The following DPYD variants were observed in gnomAD, a reference collection of about 807,000 sequenced individuals.
DPYD encodes the protein dihydropyrimidine dehydrogenase, also known as dihydropyrimidine dehydrogenase [NADP(+)].
Under a neutral mutation model 116.2 loss-of-function variants are expected in DPYD, and 109 were observed. That is an observed-to-expected ratio of 0.94 (90% CI 0.80 to 1.10). The LOEUF (loss-of-function observed/expected upper bound fraction) is 1.10, where lower values mean the gene tolerates loss of function less well. DPYD is among the 50% of genes least tolerant of loss of function. DPYD has a pLI of 0.00. For synonymous variants in DPYD, 440 were observed against 432.0 expected, an observed-to-expected ratio of 1.02 and a Z score of -0.23; for missense variants, 1,302 against 1,254.5, an observed-to-expected ratio of 1.04 and a Z score of -0.57.
At chr1:97,822,213 C>G (rs1668975649) in intron 3 of DPYD, among the ~76,000 whole-genome samples, 1 of 149,578 alleles carries the variant, frequency 6.7e-6, no homozygotes. Flanking sequence ...ATTCTACAAG[C>G]AATTTTGTTT....
chr1:97,810,683 C>A (rs755568957), intron 3 of DPYD, among the ~76,000 whole-genome samples: 7 of 152,118 alleles, frequency 4.6e-5, no homozygotes, highest in African/African-American at 1.7e-4. Flanking sequence ...GTATGACAGG[C>A]TCCCATGCAG....
chr1:97,141,209 G>A (rs976983237), intron 20 of DPYD, among the ~76,000 whole-genome samples: 2 of 152,142 alleles, frequency 1.3e-5, no homozygotes, highest in South Asian at 2.1e-4. Context: ...ATGCCAGACC[G>A]AACTGGGAAG....
Position 97,197,151 on chromosome 1 carries a change from T to TA in DPYD, c.2443-3904dup, listed in dbSNP as rs1230196494. Among the ~76,000 whole-genome samples the TA allele has an allele frequency of 1.1e-4, 17 of 152,266 alleles. No individual in the cohort carries two copies. In the South Asian group the frequency reaches 3.3e-3, roughly 30 times the overall value. ...TCTAGGAAGCCCATTTACATCAGAT[T>TA]AAAAAAATCTGTTTCTCAGGAGGAA... On this transcript the variant is annotated intron_variant, in intron 19 of 22. Coordinates refer to ENST00000370192, the MANE Select transcript of DPYD (RefSeq NM_000110.4).
intron 19 of DPYD, among the ~76,000 whole-genome samples, chr1:97,214,904 C>A (rs114215089): frequency 0.011 from 1,712 of 152,302 alleles, 35 homozygotes; most frequent in African/African-American, 0.039. Flanking sequence ...TATCTCCCAA[C>A]AAAACATTAA....
At chr1:97,404,477 T>C (rs1673541668) in intron 14 of DPYD, among the ~76,000 whole-genome samples, 1 of 152,082 alleles carries the variant, frequency 6.6e-6, no homozygotes, top group Non-Finnish European at 1.5e-5. Flanking sequence ...TGTTATTAGA[T>C]GGATACACGT....
rs574227645 is a variant in DPYD at position 97,502,386 on chromosome 1, T to C, written c.1740+13340A>G. Among the ~76,000 whole-genome samples, 444 of 152,152 alleles carry C rather than the reference T, an allele frequency of 2.9e-3. 4 individuals carry two copies. Among genetic ancestry groups the C allele is most frequent in the African/African-American group, 0.01 (430 of 41,544 alleles). ...GAACAGTTATTGAAAGGCCACAGGTTGGAGGAATCTAGAGAAGTCCATTGT... is the reference window on the plus strand; with the variant it reads ...GAACAGTTATTGAAAGGCCACAGGTCGGAGGAATCTAGAGAAGTCCATTGT... On this transcript the variant is annotated intron_variant, in intron 13 of 22. Coordinates refer to ENST00000370192, the MANE Select transcript of DPYD (RefSeq NM_000110.4).
intron 20 of DPYD, among the ~76,000 whole-genome samples, chr1:97,188,676 G>A (rs925329194): frequency 6.6e-6 from 1 of 152,158 alleles, no homozygotes; most frequent in Non-Finnish European, 1.5e-5. Flanking sequence ...ACTCACAAAA[G>A]AAGTGACATT....
At chr1:97,582,990 A>T (rs935733299) in intron 10 of DPYD, among the ~76,000 whole-genome samples, 3 of 152,104 alleles carry the variant, frequency 2.0e-5, no homozygotes, top group Non-Finnish European at 4.4e-5. Context: ...GTTTTTTGAG[A>T]TGGAGTCTGA....
chr1:97,535,568 T>C (rs1649932782), intron 12 of DPYD, among the ~76,000 whole-genome samples: 1 of 152,210 alleles, frequency 6.6e-6, no homozygotes, highest in East Asian at 1.9e-4. Flanking sequence ...AATCTATTGC[T>C]ATATGGGTAA....
At chr1:97,819,739 T>C (rs1668822475) in intron 3 of DPYD, among the ~76,000 whole-genome samples, 1 of 152,024 alleles carries the variant, frequency 6.6e-6, no homozygotes, top group African/African-American at 2.4e-5. Flanking sequence ...TCTTCCATTT[T>C]TAACTATTTT....
intron 20 of DPYD, among the ~76,000 whole-genome samples, chr1:97,139,946 G>A (rs1411896475): frequency 4.6e-5 from 7 of 152,050 alleles, no homozygotes; most frequent in South Asian, 2.1e-4. Context: ...TTCTGTTTCC[G>A]CTACCTCAAG....
At position 97,577,581 on chromosome 1, in the gene DPYD, C is replaced by T. The variant is rs185140653; in HGVS notation, c.1129-3611G>A. ...CACTCCTAACCTCCGTGTGTGTGGC[C>T]TCTGTGCATTATGTGTACCCCTTCA... On this transcript the variant is annotated intron_variant, in intron 10 of 22. Coordinates refer to ENST00000370192, the MANE Select transcript of DPYD (RefSeq NM_000110.4). Among the ~76,000 whole-genome samples, 389 of 152,198 alleles carry T rather than the reference C, an allele frequency of 2.6e-3. 8 individuals are homozygous for T. Among genetic ancestry groups the T allele is most frequent in the Admixed American group, 0.022 (336 of 15,268 alleles).
intron 19 of DPYD, among the ~76,000 whole-genome samples, chr1:97,218,564 C>T (rs1660570056): frequency 6.7e-6 from 1 of 150,332 alleles, no homozygotes; most frequent in African/African-American, 2.5e-5. Flanking sequence ...TCTGCCTCAG[C>T]CTTTAGACAT....
At chr1:97,493,232 G>A (rs1027429808) in intron 13 of DPYD, among the ~76,000 whole-genome samples, 5 of 152,158 alleles carry the variant, frequency 3.3e-5, no homozygotes, top group African/African-American at 1.2e-4. Flanking sequence ...TCTTATTTCA[G>A]TGCAACCTAT....
intron 13 of DPYD, among the ~76,000 whole-genome samples, chr1:97,468,330 T>A (rs1316439006): frequency 6.6e-6 from 1 of 152,216 alleles, no homozygotes; most frequent in East Asian, 1.9e-4. Context: ...AATTTAATTA[T>A]CAATGTGATA....
intron 3 of DPYD, among the ~76,000 whole-genome samples, chr1:97,752,493 A>T (rs1292136595): frequency 1.3e-5 from 2 of 152,150 alleles, no homozygotes; most frequent in African/African-American, 4.8e-5. Flanking sequence ...CTGTCTGATC[A>T]CGACATTCTC....
At chr1:97,286,171 A>T (rs979307355) in intron 18 of DPYD, among the ~76,000 whole-genome samples, 4 of 151,962 alleles carry the variant, frequency 2.6e-5, no homozygotes, top group African/African-American at 9.7e-5. Flanking sequence ...TTTCTCCTTC[A>T]CTTATGAAGC....
chr1:97,707,600 A>G (rs1377997984), intron 5 of DPYD, among the ~76,000 whole-genome samples: 1 of 151,996 alleles, frequency 6.6e-6, no homozygotes, highest in Non-Finnish European at 1.5e-5. Flanking sequence ...AATTTCATCC[A>G]TGGGAATTCC....
chr1:97,480,916 G>T (rs559425280), intron 13 of DPYD, among the ~76,000 whole-genome samples: 116 of 152,168 alleles, frequency 7.6e-4, no homozygotes, highest in African/African-American at 2.7e-3. Flanking sequence ...GGAGGCGGAG[G>T]TTGCAGTGAG....
Sources: gnomAD v4.1 joint callset for allele counts (sites outside exome capture counted in the v4.1 genomes callset) on GRCh38, gnomAD v4.1.1 for gene constraint, MANE v1.5 for transcripts, NCBI Gene and HGNC (gene_info 2026-07-23, HGNC 2026-07-21) for gene names.